The following TFB2M variants were observed in gnomAD, a reference collection of about 807,000 sequenced individuals.
The protein encoded by TFB2M is transcription factor B2, mitochondrial, also known as dimethyladenosine transferase 2, mitochondrial.
A neutral mutation model predicts 41.3 loss-of-function variants in TFB2M; 44 were observed. The observed-to-expected ratio is 1.07, with a 90% CI of 0.84 to 1.37. TFB2M has a LOEUF of 1.37. Ranked by LOEUF, TFB2M falls within the 40% of genes most tolerant of loss-of-function variation. TFB2M has a pLI of 0.00. For missense variants in TFB2M, 496 were observed against 490.2 expected, an observed-to-expected ratio of 1.01 and a Z score of -0.11; for synonymous variants, 188 against 176.8, an observed-to-expected ratio of 1.06 and a Z score of -0.50.
rs377460197 is a variant in TFB2M at position 246,564,315 on chromosome 1, A to G, written c.402+31T>C. ...ACCACTCACAGATAGTTGAACAAAC[A>G]ATAACATACGTTGAGAAACTAAAAA... On this transcript the variant is annotated intron_variant, in intron 2 of 7. Transcript: ENST00000366514. 1.9e-6 allele frequency: 3 copies of G among 1,592,634 alleles called. No homozygotes were observed. In the African/African-American group the frequency reaches 4.0e-5, roughly 21 times the overall value.
intron 5 of TFB2M, 110 bp downstream of exon 5, chr1:246,551,103 A>T: frequency 1.3e-6 from 1 of 773,408 alleles, no homozygotes; most frequent in Admixed American, 2.2e-5. Context: ...TGAGTCCAGT[A>T]GTTCAAGGCT....
intron 6 of TFB2M, among the ~76,000 whole-genome samples, chr1:246,547,703 C>T (rs571206555): frequency 1.3e-5 from 2 of 151,610 alleles, no homozygotes; most frequent in Admixed American, 1.3e-4. Context: ...TAAAGACAGG[C>T]ATCTAATTCT....
rs930632611 is a variant in TFB2M, at chr1:246,548,625, A to G, written c.796-18T>C. ...CAAGGCTCCTGGGGAAGAAAAACAA[A>G]GCAAAACAACATCTTTTATTTCTCT... On this transcript the variant is annotated intron_variant, in intron 5 of 7. Coordinates refer to ENST00000366514, the MANE Select transcript of TFB2M (RefSeq NM_022366.3). 6.2e-6 allele frequency: 10 copies of G among 1,607,866 alleles called. No homozygotes were observed. Among genetic ancestry groups the G allele is most frequent in the Non-Finnish European group, 8.5e-6 (10 of 1,178,184 alleles).
At chr1:246,544,039 G>C (rs1658933174) in intron 7 of TFB2M, among the ~76,000 whole-genome samples, 1 of 152,108 alleles carries the variant, frequency 6.6e-6, no homozygotes, top group African/African-American at 2.4e-5. Context: ...AAAGCAAGTA[G>C]TGTTACTTAC....
intron 5 of TFB2M, among the ~76,000 whole-genome samples, 174 bp downstream of exon 5, chr1:246,551,039 G>C (rs562104840): frequency 1.3e-5 from 2 of 152,150 alleles, no homozygotes; most frequent in African/African-American, 4.8e-5. Flanking sequence ...GCCAGGCATG[G>C]TGGCGCCTGG....
intron 6 of TFB2M, among the ~76,000 whole-genome samples, chr1:246,546,080 C>T (rs533548437): frequency 6.6e-6 from 1 of 151,918 alleles, no homozygotes; most frequent in African/African-American, 2.4e-5. Context: ...TTTGGGAGGC[C>T]GAGGCAGGAG....
In TFB2M at chr1:246,556,561, TTAA is replaced by T. The variant is rs767255663; in HGVS notation, c.705+9_705+11del. 9 of 1,465,428 alleles carry T rather than the reference TTAA, an allele frequency of 6.1e-6. No individual in the cohort carries two copies. The highest frequency in any genetic ancestry group is 8.2e-6 in the Non-Finnish European group (9 of 1,096,288). The allele number at this position is 1,465,428 out of a possible 1,614,324, so 90.8% of individuals were successfully genotyped here. ...ACTCAGAACAAAAAATAGGTATTTGTTAATAACATACCTGGAATTCTTTTTCAC... is the reference window on the plus strand; with the variant it reads ...ACTCAGAACAAAAAATAGGTATTTGTTAACATACCTGGAATTCTTTTTCAC... On this transcript the variant is annotated intron_variant, in intron 4 of 7. Coordinates refer to ENST00000366514, the MANE Select transcript of TFB2M (RefSeq NM_022366.3).
rs183638902 is a variant in TFB2M at position 246,563,663 on chromosome 1, G to A, written c.402+683C>T. On this transcript the variant is annotated intron_variant, in intron 2 of 7. Coordinates refer to ENST00000366514, the MANE Select transcript of TFB2M (RefSeq NM_022366.3). ...GTCAAACAAGGAGATTGTTCACATG[G>A]GTGGGTGACATAGTGACACCTTTGC... 5.7e-4 allele frequency among the ~76,000 whole-genome samples: 86 copies of A among 152,102 alleles called. 1 individual carries two copies. In the East Asian group the frequency reaches 0.014, roughly 26 times the overall value.
intron 5 of TFB2M, among the ~76,000 whole-genome samples, chr1:246,549,456 C>T (rs922659594): frequency 6.6e-5 from 10 of 152,068 alleles, no homozygotes; most frequent in African/African-American, 1.5e-4. Flanking sequence ...GTGGTGTATG[C>T]CTGCAGTCCC....
At chr1:246,564,507 G>T in intron 1 of TFB2M, 73 bp from the exon 2 acceptor site, 1 of 1,367,288 alleles carries the variant, frequency 7.3e-7, no homozygotes, top group Admixed American at 1.8e-5. Flanking sequence ...ACTTTCATTA[G>T]ATGTTTCACA....
chr1:246,549,794 T>C (rs79190889), intron 5 of TFB2M, among the ~76,000 whole-genome samples: 168 of 152,298 alleles, frequency 1.1e-3, no homozygotes, highest in African/African-American at 3.8e-3. Context: ...CTAAAACATA[T>C]AATTGTGGCC....
intron 2 of TFB2M, among the ~76,000 whole-genome samples, chr1:246,563,202 CTTT>C (rs34409344): frequency 7.3e-4 from 104 of 143,230 alleles, no homozygotes; most frequent in Admixed American, 9.0e-4. Flanking sequence ...TCTGAACACA[CTTT>C]TTTTTTTTTT....
chr1:246,551,366 G>T, intron 4 of TFB2M, 64 bp from the exon 5 acceptor site: 2 of 1,132,578 alleles, frequency 1.8e-6, no homozygotes, highest in Non-Finnish European at 2.7e-6. Context: ...AACAAATGCT[G>T]ACTCTTAATA....
At chr1:246,546,747 A>T (rs577437317) in intron 6 of TFB2M, among the ~76,000 whole-genome samples, 68 of 152,236 alleles carry the variant, frequency 4.5e-4, no homozygotes, top group Admixed American at 2.1e-3. Flanking sequence ...AAAGTTATTG[A>T]CTAAAATTTT....
intron 7 of TFB2M, among the ~76,000 whole-genome samples, chr1:246,543,171 C>T (rs759244360): frequency 6.6e-6 from 1 of 151,764 alleles, no homozygotes; most frequent in East Asian, 1.9e-4. Flanking sequence ...GCTATTGCCA[C>T]TTTTAACATT....
Position 246,562,901 on chromosome 1 carries a change from G to A in TFB2M, c.402+1445C>T, listed in dbSNP as rs945656273. Among the ~76,000 whole-genome samples, 120 of 151,934 alleles carry A rather than the reference G, an allele frequency of 7.9e-4. 1 individual carries two copies. The highest frequency in any genetic ancestry group is 2.7e-3 in the African/African-American group (111 of 41,454). Reference sequence around the variant, plus strand: ...TCTCAATCTCTTAACCTAGTGATCCGCCCGCCTCTGCCTCCCGAAGTGCTG... The same window carrying A: ...TCTCAATCTCTTAACCTAGTGATCCACCCGCCTCTGCCTCCCGAAGTGCTG... On this transcript the variant is annotated intron_variant, in intron 2 of 7. Coordinates refer to ENST00000366514, the MANE Select transcript of TFB2M (RefSeq NM_022366.3).
In TFB2M at chr1:246,541,031, C is replaced by T. The variant is rs1361722035; in HGVS notation, c.1191G>A (p.Ter397=). ...TCCACCAAAAACGACAGTCTAGTTG[C>T]TACCTATCTTCCAGGGTTTCATCAT... is the stretch of plus-strand genomic sequence containing the variant. The part of the protein sequence containing the change: ...WLYDETLEDR[*] The change falls in exon 8 of 8, where the codon TAG becomes TAA. Residue 397 remains the stop codon, a stop_retained_variant. Coordinates refer to ENST00000366514, the MANE Select transcript of TFB2M (RefSeq NM_022366.3). The T allele has an allele frequency of 1.2e-6, 2 of 1,607,480 alleles. No individual in the cohort carries two copies. Among genetic ancestry groups the T allele is most frequent in the African/African-American group, 2.7e-5 (2 of 74,750 alleles).
intron 7 of TFB2M, among the ~76,000 whole-genome samples, chr1:246,542,059 T>C (rs1333669586): frequency 2.6e-5 from 4 of 152,136 alleles, no homozygotes; most frequent in African/African-American, 9.7e-5. Flanking sequence ...GCTCCAAGGA[T>C]ACAAACCTGC....
chr1:246,566,230 C>T lies in TFB2M; in HGVS notation c.-92G>A, dbSNP rs1436876583. On this transcript the variant is annotated 5_prime_UTR_variant, in exon 1 of 8. Transcript: ENST00000366514. ...GTATCCCACGTGGAACATTTTCTGGCGTCCGGGCCAGGTCAAGCGGAAGTA... is the reference window on the plus strand; with the variant it reads ...GTATCCCACGTGGAACATTTTCTGGTGTCCGGGCCAGGTCAAGCGGAAGTA... 5.2e-6 allele frequency: 7 copies of T among 1,350,360 alleles called. No homozygotes were observed. Among genetic ancestry groups the T allele is most frequent in the African/African-American group, 2.9e-5 (2 of 68,462 alleles). 83.6% of individuals were successfully genotyped at this position (1,350,360 alleles called of 1,614,324 possible). A position where few individuals can be genotyped will look rare whatever the true frequency, so the allele number is the denominator to read the frequency against.
Sources: gnomAD v4.1 joint callset for allele counts (sites outside exome capture counted in the v4.1 genomes callset) on GRCh38, gnomAD v4.1.1 for gene constraint, MANE v1.5 for transcripts, NCBI Gene and HGNC (gene_info 2026-07-23, HGNC 2026-07-21) for gene names.